Variants in CWC27 observed in about 807,000 individuals in gnomAD.
The protein encoded by CWC27 is spliceosome-associated protein CWC27 homolog.
CWC27 carries 47 observed loss-of-function variants against 63.6 expected under a neutral mutation model. The ratio of observed to expected loss-of-function variants is 0.74; its 90% CI spans 0.58 to 0.94. The LOEUF (loss-of-function observed/expected upper bound fraction) is 0.94. Among genes scored for constraint, CWC27 ranks in the 40% least tolerant of loss-of-function variants. The pLI, the probability that CWC27 is intolerant of heterozygous loss-of-function variation, is 0.00. For synonymous variants in CWC27, 175 were observed against 179.8 expected, an observed-to-expected ratio of 0.97 and a Z score of 0.22; for missense variants, 495 against 554.3, an observed-to-expected ratio of 0.89 and a Z score of 1.07.
chr5:64,803,244 A>G (rs555452665), intron 9 of CWC27, among the ~76,000 whole-genome samples: 6 of 152,174 alleles, frequency 3.9e-5, no homozygotes, highest in Non-Finnish European at 8.8e-5. Context: ...TCACCAGATC[A>G]AAGAAAGAAT....
chr5:64,793,442 A>G (rs540773471), intron 7 of CWC27, among the ~76,000 whole-genome samples: 2 of 152,290 alleles, frequency 1.3e-5, no homozygotes, highest in South Asian at 4.1e-4. Flanking sequence ...TAAGTACATG[A>G]GATAAATTCT....
At chr5:64,941,745 T>G (rs943686997) in intron 11 of CWC27, among the ~76,000 whole-genome samples, 3 of 152,102 alleles carry the variant, frequency 2.0e-5, no homozygotes, top group Non-Finnish European at 2.9e-5. Context: ...CTTACACTTG[T>G]GAGGTGTTTT....
At position 64,834,182 on chromosome 5, in the gene CWC27, G is replaced by C. The variant is rs559880228; in HGVS notation, c.938+29796G>C. On this transcript the variant is annotated intron_variant, in intron 10 of 13. Coordinates refer to ENST00000381070, the MANE Select transcript of CWC27 (RefSeq NM_005869.4). ...CCAAATTAAGAAAAAAAACTTTCAG[G>C]CTTTATTGAATCATATCTGTTTGCG... Among the ~76,000 whole-genome samples the C allele has an allele frequency of 2.0e-5, 3 of 150,764 alleles. No homozygotes were observed. The South Asian group carries it at 6.2e-4, about 31-fold the overall frequency.
intron 7 of CWC27, among the ~76,000 whole-genome samples, chr5:64,799,607 A>G (rs1744415416): frequency 1.1e-5 from 1 of 88,824 alleles, no homozygotes; most frequent in African/African-American, 4.9e-5. Flanking sequence ...TATATACTTA[A>G]TAGCAGCAGT....
intron 11 of CWC27, among the ~76,000 whole-genome samples, chr5:64,897,165 C>G (rs1747398205): frequency 6.6e-6 from 1 of 152,140 alleles, no homozygotes; most frequent in Admixed American, 6.5e-5. Context: ...GCCAAGATTG[C>G]TCCAGCCTAG....
intron 11 of CWC27, among the ~76,000 whole-genome samples, chr5:64,934,979 G>C (rs926624511): frequency 1.1e-4 from 16 of 152,102 alleles, no homozygotes; most frequent in African/African-American, 3.9e-4. Flanking sequence ...ATTTATTTAA[G>C]TTCCTTGTAG....
chr5:64,769,699 T>C (rs978433441), intron 1 of CWC27, among the ~76,000 whole-genome samples: 2 of 152,104 alleles, frequency 1.3e-5, no homozygotes, highest in African/African-American at 4.8e-5. Flanking sequence ...AGCGTGCTTG[T>C]GGAGAAGAGA....
At chr5:65,002,659 T>C (rs555833241) in intron 13 of CWC27, among the ~76,000 whole-genome samples, 3 of 152,260 alleles carry the variant, frequency 2.0e-5, no homozygotes, top group African/African-American at 4.8e-5. Flanking sequence ...ATAGGTGATA[T>C]GATTTTGATT....
At chr5:64,967,003 T>G (rs940299296) in intron 11 of CWC27, among the ~76,000 whole-genome samples, 9 of 152,136 alleles carry the variant, frequency 5.9e-5, no homozygotes, top group Non-Finnish European at 8.8e-5. Flanking sequence ...TATCTTCTTT[T>G]TTTTTACATT....
rs1318012260 is a variant in CWC27 at position 64,781,960 on chromosome 5, G to A, written c.179G>A (p.Gly60Asp). 24 of 1,602,152 alleles carry A rather than the reference G, an allele frequency of 1.5e-5. No homozygotes were observed. Among genetic ancestry groups the A allele is most frequent in the Non-Finnish European group, 1.6e-5 (19 of 1,172,202 alleles). ...DNTIFHRVVP[G>D]FIVQGGDPTG... ...ACCATTTTTCATAGAGTTGTGCCTG[G>A]TTTCATAGTCCAAGGCGGAGATCCT... Residue 60 changes from glycine (G) to aspartate (D), a missense_variant, in exon 3 of 14, where the codon GGT becomes GAT. Transcript: ENST00000381070.
intron 11 of CWC27, among the ~76,000 whole-genome samples, chr5:64,912,983 T>C (rs1667640418): frequency 6.6e-6 from 1 of 152,154 alleles, no homozygotes; most frequent in Non-Finnish European, 1.5e-5. Context: ...AATTATAGAC[T>C]GCCCTCCTTA....
chr5:64,882,873 G>A (rs973691262), intron 10 of CWC27, among the ~76,000 whole-genome samples: 1 of 152,220 alleles, frequency 6.6e-6, no homozygotes, highest in African/African-American at 2.4e-5. Context: ...TGGGATTACA[G>A]GCGTGAGCCA....
rs781702398 is a variant in CWC27 at position 64,788,968 on chromosome 5, C to A, written c.617C>A (p.Ser206Ter). ...PKGTKNFSLL[S>*]FGEEAEEEEE... ...TGGACTAGAAATTTTAGTTTACTTTCATTTGGAGAGGAAGCTGAGGAAGAA... is the reference window on the plus strand; with the variant it reads ...TGGACTAGAAATTTTAGTTTACTTTAATTTGGAGAGGAAGCTGAGGAAGAA... The change falls in exon 7 of 14, where the codon TCA becomes TAA. Residue 206 changes from serine (S) to a stop codon, truncating the protein, a stop_gained. Coordinates refer to ENST00000381070, the MANE Select transcript of CWC27 (RefSeq NM_005869.4). LOFTEE classifies it high-confidence loss of function. The A allele has an allele frequency of 1.3e-6, 2 of 1,566,406 alleles. No homozygotes were observed. The highest frequency in any genetic ancestry group is 2.3e-5 in the East Asian group (1 of 43,336).
chr5:64,898,589 T>C (rs1168616907), intron 11 of CWC27, among the ~76,000 whole-genome samples: 1 of 151,808 alleles, frequency 6.6e-6, no homozygotes, highest in Non-Finnish European at 1.5e-5. Flanking sequence ...GTACAAGGAG[T>C]GTCATTAGTG....
intron 9 of CWC27, among the ~76,000 whole-genome samples, chr5:64,803,751 G>A (rs766351757): frequency 1.4e-4 from 22 of 152,140 alleles, no homozygotes; most frequent in Non-Finnish European, 2.4e-4. Flanking sequence ...GGCCTTGAGT[G>A]AGTTGGGGAC....
At chr5:64,987,077 TA>T (rs745644169) in intron 13 of CWC27, among the ~76,000 whole-genome samples, 7 of 151,908 alleles carry the variant, frequency 4.6e-5, no homozygotes, top group Non-Finnish European at 1.0e-4. Flanking sequence ...TTTTATTTTT[TA>T]TTTTTTTATT....
chr5:64,913,571 A>G (rs1468556159), intron 11 of CWC27, among the ~76,000 whole-genome samples: 2 of 152,110 alleles, frequency 1.3e-5, no homozygotes, highest in Non-Finnish European at 2.9e-5. Flanking sequence ...TGGAAATAAC[A>G]AAGATTTAGA....
In CWC27 at chr5:65,018,386, G is replaced by A. The variant is rs902005305; in HGVS notation, c.*65G>A. 9.5e-6 allele frequency: 13 copies of A among 1,372,394 alleles called. No homozygotes were observed. Among genetic ancestry groups the A allele is most frequent in the Non-Finnish European group, 1.3e-5 (13 of 1,005,252 alleles). 85.0% of individuals were successfully genotyped at this position (1,372,394 alleles called of 1,614,324 possible). A position where few individuals can be genotyped will look rare whatever the true frequency, so the allele number is the denominator to read the frequency against. ...CTACAATGGCCTTGTAACAGCCATT[G>A]TTCCCAACAGCATCACTTAGGGGTG... On this transcript the variant is annotated 3_prime_UTR_variant, in exon 14 of 14. Coordinates refer to ENST00000381070, the MANE Select transcript of CWC27 (RefSeq NM_005869.4).
intron 13 of CWC27, among the ~76,000 whole-genome samples, chr5:64,983,281 C>A (rs1323109855): frequency 2.6e-5 from 4 of 152,194 alleles, no homozygotes; most frequent in African/African-American, 9.6e-5. Context: ...CATTGTTTTA[C>A]ATTTTTTTGT....
Sources: allele counts gnomAD v4.1 joint callset (sites outside exome capture counted in the v4.1 genomes callset), GRCh38; gene constraint gnomAD v4.1.1; transcripts MANE v1.5; gene names NCBI Gene and HGNC (gene_info 2026-07-23, HGNC 2026-07-21).